MAP3K15: variants seen among roughly 807,000 people sequenced by gnomAD.
MAP3K15 encodes MAPK/ERK kinase kinase 15.
MAP3K15 carries 124 observed loss-of-function variants against 99.5 expected under a neutral mutation model. That is an observed-to-expected ratio of 1.25 (90% CI 1.08 to 1.45). The LOEUF (loss-of-function observed/expected upper bound fraction) is 1.45. Ranked by LOEUF, MAP3K15 falls within the 40% of genes most tolerant of loss-of-function variation. The pLI is 0.00. For missense variants in MAP3K15, 1,242 were observed against 1,079.7 expected (o/e 1.15, Z -2.11); for synonymous variants, 494 against 439.6 (o/e 1.12, Z -1.55).
chrX:19,486,872 T>C (rs5955796), intron 2 of MAP3K15, among the ~76,000 whole-genome samples: 23,216 of 110,120 alleles, frequency 0.21, 3,860 homozygotes, highest in African/African-American at 0.57. Context: ...CAGAAAAGAA[T>C]GTCGGCGATA....
intron 9 of MAP3K15, 34 bp from the exon 10 acceptor site, chrX:19,415,291 C>T (rs192014236): frequency 1.8e-6 from 2 of 1,096,585 alleles, no homozygotes; most frequent in East Asian, 6.5e-5. Flanking sequence ...ATATTGGATT[C>T]CTAAAGAAAC....
intron 24 of MAP3K15, among the ~76,000 whole-genome samples, 180 bp from the exon 25 acceptor site, chrX:19,369,399 C>T (rs760774609): frequency 4.5e-5 from 5 of 111,654 alleles, no homozygotes; most frequent in South Asian, 7.5e-4. Flanking sequence ...TTCTCTGCAG[C>T]GTAAAGTTGA....
Position 19,405,844 on chromosome X carries a change from T to G in MAP3K15, c.1844+1344A>C, listed in dbSNP as rs181238878. On this transcript the variant is annotated intron_variant, in intron 13 of 28. Coordinates refer to ENST00000338883, the MANE Select transcript of MAP3K15 (RefSeq NM_001001671.4). Reference sequence around the variant, plus strand: ...GGGGTAAACCCTGAGAAATTCTGTGTGAAACGTATATGGAAATTCTTTGTA... The same window carrying G: ...GGGGTAAACCCTGAGAAATTCTGTGGGAAACGTATATGGAAATTCTTTGTA... Among the ~76,000 whole-genome samples, 13 of 112,639 alleles carry G rather than the reference T, an allele frequency of 1.2e-4. No homozygotes were observed. The Admixed American group carries it at 1.2e-3, about 11-fold the overall frequency.
chrX:19,402,653 C>G (rs2063616917), intron 13 of MAP3K15, among the ~76,000 whole-genome samples: 1 of 111,146 alleles, frequency 9.0e-6, no homozygotes, highest in Non-Finnish European at 1.9e-5. Flanking sequence ...ATATACTTCA[C>G]AGTTGGATTT....
At chrX:19,417,414 G>C (rs2063745243) in intron 9 of MAP3K15, among the ~76,000 whole-genome samples, 1 of 112,241 alleles carries the variant, frequency 8.9e-6, no homozygotes, top group Non-Finnish European at 1.9e-5. Flanking sequence ...GCCTGGCTCA[G>C]AGGGTCCTAC....
chrX:19,393,190 CGGCTGGT>C, intron 16 of MAP3K15, among the ~76,000 whole-genome samples: 1 of 111,706 alleles, frequency 9.0e-6, no homozygotes. Context: ...CCTCAGACAT[CGGCTGGT>C]CTCAGATTCC....
At chrX:19,407,314 A>G (rs775162137) in intron 12 of MAP3K15, 31 bp from the exon 13 acceptor site, 8 of 819,429 alleles carry the variant, frequency 9.8e-6, no homozygotes, top group Non-Finnish European at 1.1e-5. Context: ...ATGTTTATAC[A>G]TAAGTTATGA....
rs779296471 is a variant in MAP3K15, at chrX:19,392,123, T to A, written c.2326-16A>T. ...CATTATCGCCCTTCGGAAAATAACA[T>A]CATCAAGTGCTTAAAAGACAGGCTG... On this transcript the variant is annotated splice_polypyrimidine_tract_variant and intron_variant, in intron 17 of 28. Coordinates refer to ENST00000338883, the MANE Select transcript of MAP3K15 (RefSeq NM_001001671.4). 9 of 1,165,115 alleles carry A rather than the reference T, an allele frequency of 7.7e-6. No individual in the cohort carries two copies. Among genetic ancestry groups the A allele is most frequent in the Non-Finnish European group, 1.1e-5 (9 of 854,023 alleles).
chrX:19,410,490 C>CT (rs1258692506), intron 11 of MAP3K15, among the ~76,000 whole-genome samples: 3 of 112,190 alleles, frequency 2.7e-5, no homozygotes, highest in Non-Finnish European at 5.6e-5. Flanking sequence ...AGCAGGAATG[C>CT]TGTGCATCAC....
At chrX:19,471,546 G>A (rs1246282835) in intron 3 of MAP3K15, among the ~76,000 whole-genome samples, 2 of 111,128 alleles carry the variant, frequency 1.8e-5, no homozygotes, top group East Asian at 2.8e-4. Flanking sequence ...ACAGGCATGA[G>A]CCACCGTGCC....
chrX:19,375,816 T>C (rs1247385828), intron 19 of MAP3K15, among the ~76,000 whole-genome samples: 1 of 112,527 alleles, frequency 8.9e-6, no homozygotes, highest in Non-Finnish European at 1.9e-5. Context: ...GGCCATGTGC[T>C]GTTTCCAACA....
intron 6 of MAP3K15, among the ~76,000 whole-genome samples, chrX:19,453,867 C>T (rs748813216): frequency 9.0e-6 from 1 of 111,531 alleles, no homozygotes; most frequent in Non-Finnish European, 1.9e-5. Flanking sequence ...AATCAAACAG[C>T]GAACATCAAC....
chrX:19,418,314 T>A (rs1271745821), intron 9 of MAP3K15, among the ~76,000 whole-genome samples: 5 of 109,603 alleles, frequency 4.6e-5, no homozygotes, highest in Non-Finnish European at 7.6e-5. Context: ...GACAAACGGC[T>A]AACTAGAATA....
At chrX:19,414,055 G>A (rs1337733470) in intron 10 of MAP3K15, among the ~76,000 whole-genome samples, 1 of 108,233 alleles carries the variant, frequency 9.2e-6, no homozygotes, top group Non-Finnish European at 1.9e-5. Flanking sequence ...CAGCTACTCA[G>A]GAGGCTGAGG....
Position 19,380,275 on chromosome X carries a change from T to C in MAP3K15, c.2434A>G (p.Thr812Ala), listed in dbSNP as rs2063449932. Residue 812 changes from threonine to alanine, a missense_variant and splice_region_variant, in exon 19 of 29, where the codon ACC (threonine) becomes GCC (alanine). By Grantham distance (58) the Thr-to-Ala change is moderately conservative. Transcript: ENST00000338883. ...ATCTCAGGTGCCATGTACTGCAGGG[T>C]GCCTATTTGGAAAACAAACAAACAG... is the stretch of plus-strand genomic sequence containing the variant. ...VNPCTETFTG[T>A]LQYMAPEIID... is the part of the protein sequence containing the mutation. The C allele has an allele frequency of 2.5e-6, 3 of 1,208,345 alleles. No individual in the cohort carries two copies. Among genetic ancestry groups the C allele is most frequent in the Non-Finnish European group, 3.4e-6 (3 of 894,392 alleles).
intron 5 of MAP3K15, 58 bp from the exon 6 acceptor site, chrX:19,457,077 T>A (rs1218460131): frequency 1.2e-6 from 1 of 866,884 alleles, no homozygotes; most frequent in African/African-American, 2.0e-5. Flanking sequence ...TCACTGATTT[T>A]TCTGAATTGT....
At chrX:19,483,525 G>A (rs1254711925) in intron 3 of MAP3K15, among the ~76,000 whole-genome samples, 3 of 110,095 alleles carry the variant, frequency 2.7e-5, no homozygotes, top group Admixed American at 9.7e-5. Flanking sequence ...CATCTAATTC[G>A]TACCCCTTAT....
intron 23 of MAP3K15, 53 bp from the exon 24 acceptor site, chrX:19,371,117 C>T (rs190335333): frequency 1.0e-6 from 1 of 970,830 alleles, no homozygotes; most frequent in South Asian, 2.3e-5. Context: ...ATCCAGATTT[C>T]CAGTGCATTG....
intron 6 of MAP3K15, among the ~76,000 whole-genome samples, chrX:19,448,156 T>G (rs2064014849): frequency 9.2e-6 from 1 of 108,348 alleles, no homozygotes; most frequent in South Asian, 4.1e-4. Context: ...ACTTCCAGTT[T>G]GGTCTTCCTG....
Sources: gnomAD v4.1 joint callset for allele counts (sites outside exome capture counted in the v4.1 genomes callset) on GRCh38, gnomAD v4.1.1 for gene constraint, MANE v1.5 for transcripts, NCBI Gene and HGNC (gene_info 2026-07-23, HGNC 2026-07-21) for gene names.